The following STAU1 variants were observed in gnomAD, a reference collection of about 807,000 sequenced individuals.
STAU1 encodes double-stranded RNA-binding protein Staufen homolog 1.
Under a neutral mutation model 62.9 loss-of-function variants are expected in STAU1, and 13 were observed. The ratio of observed to expected loss-of-function variants is 0.21; its 90% CI spans 0.13 to 0.33. The LOEUF (loss-of-function observed/expected upper bound fraction) is 0.33, where lower values mean the gene tolerates loss of function less well. STAU1 is among the 10% of genes least tolerant of loss of function. STAU1 has a pLI of 1.00. For missense variants in STAU1, 571 were observed against 712.1 expected (o/e 0.80, Z 2.25); for synonymous variants, 269 against 265.1 (o/e 1.01, Z -0.14).
At chr20:49,183,875 A>C (rs1397637655) in intron 1 of STAU1, among the ~76,000 whole-genome samples, 1 of 152,220 alleles carries the variant, frequency 6.6e-6, no homozygotes. Flanking sequence ...CAAACTTTTA[A>C]ATAAAGACCA....
At chr20:49,204,660 T>A in the STAU1 span, among the ~76,000 whole-genome samples, 23 of 111,070 alleles carry the variant, frequency 2.1e-4, no homozygotes, top group African/African-American at 7.1e-4. Flanking sequence ...TTTTTTTTTT[T>A]TTTTTTTTTT....
intron 1 of STAU1, among the ~76,000 whole-genome samples, chr20:49,184,256 G>T (rs2093760659): frequency 6.6e-6 from 1 of 151,918 alleles, no homozygotes; most frequent in African/African-American, 2.4e-5. Flanking sequence ...CTGCAGCCTG[G>T]GTGACAAGAG....
At chr20:49,144,354 C>A (rs1056200993) in intron 5 of STAU1, among the ~76,000 whole-genome samples, 9 of 151,914 alleles carry the variant, frequency 5.9e-5, no homozygotes, top group Non-Finnish European at 1.0e-4. Context: ...ATGATGAAGT[C>A]CTTTCTGTTG....
chr20:49,129,279 A>ATTTTTTTTTT (rs1337866356), intron 6 of STAU1, among the ~76,000 whole-genome samples: 1 of 101,958 alleles, frequency 9.8e-6, no homozygotes, highest in Non-Finnish European at 1.8e-5. Context: ...TTTAAAAAAA[A>ATTTTTTTTTT]ATTTTTTTTT....
At chr20:49,165,690 A>C (rs766132526) in intron 3 of STAU1, among the ~76,000 whole-genome samples, 5 of 152,240 alleles carry the variant, frequency 3.3e-5, no homozygotes, top group Admixed American at 1.3e-4. Context: ...ATGAATATCC[A>C]AGGTGGTATT....
In STAU1 at chr20:49,141,657, G is replaced by A. The variant is rs553365404; in HGVS notation, c.511-5726C>T. Among the ~76,000 whole-genome samples, 3 of 152,326 alleles carry A rather than the reference G, an allele frequency of 2.0e-5. No homozygotes were observed. The South Asian group carries it at 6.2e-4, about 32-fold the overall frequency. ...TGCCTGTAATCCCAGCACTCTGGAA[G>A]GCCAAGGCAGGCGGATCACTTGAGG... On this transcript the variant is annotated intron_variant, in intron 5 of 13. Transcript: ENST00000371856.
chr20:49,164,091 G>A lies in STAU1; in HGVS notation c.205+1906C>T, dbSNP rs138088190. ...TACTAAAAATACAAAACAGCCGAGC[G>A]TAGTGGCAGGCACCTGTAATCCCAG... On this transcript the variant is annotated intron_variant, in intron 3 of 13. Transcript: ENST00000371856. Among the ~76,000 whole-genome samples the A allele has an allele frequency of 2.9e-3, 448 of 152,124 alleles. 2 individuals are homozygous for A. Among genetic ancestry groups the A allele is most frequent in the Non-Finnish European group, 4.8e-3 (327 of 67,986 alleles).
At chr20:49,187,773 A>AGCCCCCCC in intron 1 of STAU1, among the ~76,000 whole-genome samples, 1 of 20,320 alleles carries the variant, frequency 4.9e-5, no homozygotes, top group Admixed American at 3.8e-4. Context: ...TGAAGCAGGG[A>AGCCCCCCC]CCCCCCCCCC....
chr20:49,187,540 G>T (rs2093803008), intron 1 of STAU1, among the ~76,000 whole-genome samples: 1 of 152,240 alleles, frequency 6.6e-6, no homozygotes, highest in Admixed American at 6.5e-5. Flanking sequence ...TGTGGGTCTG[G>T]CACTCTGATA....
Position 49,114,588 on chromosome 20 carries a change from GT to G in STAU1, c.*289del. Reference sequence around the variant, plus strand: ...AGGTGCCCAGGGTGTGGATCTGCTGGTGTCCCGGGAGAACCAGCTGGCTGGG... The same window carrying G: ...AGGTGCCCAGGGTGTGGATCTGCTGGGTCCCGGGAGAACCAGCTGGCTGGG... On this transcript the variant is annotated 3_prime_UTR_variant, in exon 14 of 14. Transcript: ENST00000371856. The G allele has an allele frequency of 2.3e-6, 1 of 432,242 alleles. No homozygotes were observed. Among genetic ancestry groups the G allele is most frequent in the Non-Finnish European group, 4.2e-6 (1 of 239,348 alleles). The allele number at this position is 432,242 out of a possible 1,614,324, so 26.8% of individuals were successfully genotyped here.
At chr20:49,165,752 T>A (rs1286922462) in intron 3 of STAU1, among the ~76,000 whole-genome samples, 1 of 152,228 alleles carries the variant, frequency 6.6e-6, no homozygotes, top group Non-Finnish European at 1.5e-5. Context: ...TGAGGCTTTA[T>A]AGTGTGAGTA....
the STAU1 span, among the ~76,000 whole-genome samples, chr20:49,197,230 A>T: frequency 6.6e-6 from 1 of 150,926 alleles, no homozygotes; most frequent in Non-Finnish European, 1.5e-5. Context: ...GTCATGACAT[A>T]TTCATACAAT....
At position 49,135,823 on chromosome 20, in the gene STAU1, A is replaced by G; in HGVS notation, c.609+10T>C. ...TAGAATACAAAGTCCTACATGTAAA[A>G]TTAGCTTACCTCGAAATTCACAGGC... On this transcript the variant is annotated intron_variant, in intron 6 of 13. Coordinates refer to ENST00000371856, the MANE Select transcript of STAU1 (RefSeq NM_017453.4). 2 of 1,609,086 alleles carry G rather than the reference A, an allele frequency of 1.2e-6. No homozygotes were observed. The highest frequency in any genetic ancestry group is 1.7e-6 in the Non-Finnish European group (2 of 1,176,580).
At chr20:49,183,011 T>C (rs1362562827) in intron 1 of STAU1, among the ~76,000 whole-genome samples, 1 of 152,174 alleles carries the variant, frequency 6.6e-6, no homozygotes, top group African/African-American at 2.4e-5. Context: ...AACTAACATG[T>C]CCTCTCATAG....
At position 49,144,231 on chromosome 20, in the gene STAU1, G is replaced by T. The variant is rs6095452; in HGVS notation, c.510+7351C>A. ...CCAGTTATTTTGTTGACAATAAGTG[G>T]TAAGAAATAAATGTTGGCGGCCAAA... On this transcript the variant is annotated intron_variant, in intron 5 of 13. Transcript: ENST00000371856. 2.7e-3 allele frequency among the ~76,000 whole-genome samples: 407 copies of T among 151,894 alleles called. 1 individual carries two copies. The highest frequency in any genetic ancestry group is 7.0e-3 in the African/African-American group (289 of 41,440).
the STAU1 span, among the ~76,000 whole-genome samples, chr20:49,200,440 T>C: frequency 6.6e-6 from 1 of 151,818 alleles, no homozygotes; most frequent in African/African-American, 2.4e-5. Flanking sequence ...CTACTAAAAA[T>C]ACAAAAAAAA....
intron 6 of STAU1, among the ~76,000 whole-genome samples, chr20:49,133,088 G>C (rs1353077674): frequency 6.6e-6 from 1 of 152,154 alleles, no homozygotes; most frequent in Admixed American, 6.5e-5. Context: ...TACTTTAAAA[G>C]ATCACCACGA....
At chr20:49,152,609 G>A (rs1401562850) in intron 4 of STAU1, among the ~76,000 whole-genome samples, 1 of 151,898 alleles carries the variant, frequency 6.6e-6, no homozygotes, top group East Asian at 1.9e-4. Context: ...CAAAGAGCTG[G>A]GATTACAGGC....
rs546190398 is a variant in STAU1 at position 49,127,181 on chromosome 20, C to T, written c.610-2594G>A. Among the ~76,000 whole-genome samples, 7 of 151,786 alleles carry T rather than the reference C, an allele frequency of 4.6e-5. No homozygotes were observed. The South Asian group carries it at 1.5e-3, about 32-fold the overall frequency. On this transcript the variant is annotated intron_variant, in intron 6 of 13. Coordinates refer to ENST00000371856, the MANE Select transcript of STAU1 (RefSeq NM_017453.4). ...CAGCCTGGCCAACATAGTGAAACCCCGTCTCTACTAAAAATATAAAAAATT... is the reference window on the plus strand; with the variant it reads ...CAGCCTGGCCAACATAGTGAAACCCTGTCTCTACTAAAAATATAAAAAATT...
Sources: gnomAD v4.1 joint callset for allele counts (sites outside exome capture counted in the v4.1 genomes callset) on GRCh38, gnomAD v4.1.1 for gene constraint, MANE v1.5 for transcripts, NCBI Gene and HGNC (gene_info 2026-07-23, HGNC 2026-07-21) for gene names.